Variants in NR4A3 observed in about 807,000 individuals in gnomAD.
NR4A3 encodes the protein chondrosarcoma, extraskeletal myxoid, fused to EWS.
NR4A3 carries 13 observed loss-of-function variants against 55.6 expected under a neutral mutation model. The observed-to-expected ratio is 0.23, with a 90% CI of 0.15 to 0.37. NR4A3 has a LOEUF of 0.37. Among genes scored for constraint, NR4A3 ranks in the 10% least tolerant of loss-of-function variants. NR4A3 has a pLI of 1.00. For synonymous variants in NR4A3, 342 were observed against 357.9 expected (o/e 0.96, Z 0.50); for missense variants, 646 against 822.8 (o/e 0.79, Z 2.63).
At chr9:99,857,824 G>A (rs549945819) in intron 7 of NR4A3, among the ~76,000 whole-genome samples, 7 of 152,110 alleles carry the variant, frequency 4.6e-5, no homozygotes, top group South Asian at 2.1e-4. Context: ...CTACAGCCAG[G>A]AAATCTAATT....
At chr9:99,849,296 C>G (rs1827808605) in intron 7 of NR4A3, among the ~76,000 whole-genome samples, 1 of 151,986 alleles carries the variant, frequency 6.6e-6, no homozygotes, top group Non-Finnish European at 1.5e-5. Flanking sequence ...AGTAGCTGTT[C>G]CTTCAGTATT....
rs1461215273 is a variant in NR4A3, at chr9:99,844,707, A to G, written c.1313A>G (p.Tyr438Cys). ...GATGCTGAGCATGTGCAACAATTCT[A>G]CAACCTCCTGACAGCCTCCATTGAT... ...GTDAEHVQQF[Y>C]NLLTASIDVS... is the part of the protein sequence containing the mutation. The change falls in exon 6 of 8, where the codon TAC (tyrosine) becomes TGC (cysteine). Residue 438 changes from tyrosine to cysteine, a missense_variant. This residue lies in a region of NR4A3 where 163 missense variants were observed against 233.0 expected (regional missense o/e 0.70). Coordinates refer to ENST00000395097, the MANE Select transcript of NR4A3 (RefSeq NM_006981.4). The G allele has an allele frequency of 6.2e-7, 1 of 1,614,208 alleles. No individual in the cohort carries two copies. Among genetic ancestry groups the G allele is most frequent in the Non-Finnish European group, 8.5e-7 (1 of 1,180,030 alleles).
At chr9:99,852,663 C>T (rs1289030497) in intron 7 of NR4A3, among the ~76,000 whole-genome samples, 1 of 152,206 alleles carries the variant, frequency 6.6e-6, no homozygotes, top group Non-Finnish European at 1.5e-5. Flanking sequence ...TTTCCCTACT[C>T]AGGTCATCTC....
intron 7 of NR4A3, among the ~76,000 whole-genome samples, chr9:99,851,495 T>C (rs1827848520): frequency 6.6e-6 from 1 of 152,206 alleles, no homozygotes. Flanking sequence ...CCAGGAAAAG[T>C]ATTAAGAATC....
intron 7 of NR4A3, among the ~76,000 whole-genome samples, chr9:99,853,227 C>CA (rs1483841742): frequency 6.6e-6 from 1 of 151,782 alleles, no homozygotes; most frequent in African/African-American, 2.4e-5. Flanking sequence ...ATTTGTTTTA[C>CA]ACACTTCCAT....
intron 7 of NR4A3, among the ~76,000 whole-genome samples, chr9:99,861,533 G>A (rs1220075371): frequency 6.6e-6 from 1 of 152,016 alleles, no homozygotes; most frequent in Non-Finnish European, 1.5e-5. Flanking sequence ...AGGAAGGGAG[G>A]GAGGGAAGGA....
intron 5 of NR4A3, among the ~76,000 whole-genome samples, chr9:99,836,081 A>T (rs553663248): frequency 7.2e-5 from 11 of 152,336 alleles, no homozygotes; most frequent in Middle Eastern, 3.4e-3. Flanking sequence ...AAATACAGTG[A>T]GTTTTCATCA....
chr9:99,839,165 G>A (rs1229071167), intron 5 of NR4A3, among the ~76,000 whole-genome samples: 2 of 152,304 alleles, frequency 1.3e-5, no homozygotes, highest in Admixed American at 6.5e-5. Flanking sequence ...GCTTTTTGGA[G>A]TGGGGGCATA....
At chr9:99,846,159 C>T (rs537447001) in intron 6 of NR4A3, among the ~76,000 whole-genome samples, 47 of 152,274 alleles carry the variant, frequency 3.1e-4, no homozygotes, top group African/African-American at 1.1e-3. Context: ...CTTGTGAATA[C>T]AACAGGCCAA....
At chr9:99,837,345 G>T (rs146959456) in intron 5 of NR4A3, among the ~76,000 whole-genome samples, 2 of 151,942 alleles carry the variant, frequency 1.3e-5, no homozygotes, top group African/African-American at 4.8e-5. Flanking sequence ...GAGTGACCTT[G>T]GGATCATCTA....
chr9:99,833,157 A>G, intron 4 of NR4A3, 125 bp from the exon 5 acceptor site: 1 of 1,251,516 alleles, frequency 8.0e-7, no homozygotes. Context: ...ACTTATTACC[A>G]CTTTTAAATG....
rs529386808 is a variant in NR4A3 at position 99,851,996 on chromosome 9, T to G, written c.1633+4381T>G. Among the ~76,000 whole-genome samples the G allele has an allele frequency of 5.9e-5, 9 of 152,282 alleles. No individual in the cohort carries two copies. The East Asian group carries it at 9.7e-4, about 16-fold the overall frequency. On this transcript the variant is annotated intron_variant, in intron 7 of 7. Transcript: ENST00000395097. ...CATTCTGTTGCCAAGAAGTGGGCAG[T>G]CTACTAGGAAGTCATAGATTATGAT...
At position 99,857,486 on chromosome 9, in the gene NR4A3, C is replaced by G. The variant is rs192502532; in HGVS notation, c.1634-6134C>G. Among the ~76,000 whole-genome samples, 9 of 152,166 alleles carry G rather than the reference C, an allele frequency of 5.9e-5. No individual in the cohort carries two copies. The East Asian group carries it at 1.4e-3, about 23-fold the overall frequency. On this transcript the variant is annotated intron_variant, in intron 7 of 7. Transcript: ENST00000395097. ...AATGTGGAAACAGACCCAAAGTCAC[C>G]CAGTTAATAAGTGGTCGAGGCCAGG... is the stretch of plus-strand genomic sequence containing the variant.
intron 7 of NR4A3, among the ~76,000 whole-genome samples, chr9:99,861,596 C>T (rs991998436): frequency 1.3e-5 from 2 of 152,118 alleles, no homozygotes; most frequent in East Asian, 1.9e-4. Flanking sequence ...GAAGTTCAAC[C>T]GTCTCCTTTT....
At chr9:99,832,111 T>C (rs956407117) in intron 3 of NR4A3, among the ~76,000 whole-genome samples, 1 of 152,184 alleles carries the variant, frequency 6.6e-6, no homozygotes, top group Non-Finnish European at 1.5e-5. Flanking sequence ...GTTTATCATA[T>C]ATGGTCTTTA....
Position 99,864,287 on chromosome 9 carries a change from TG to T in NR4A3, c.*421del, listed in dbSNP as rs1676324801. The T allele has an allele frequency of 4.2e-6, 1 of 240,694 alleles. No homozygotes were observed. Among genetic ancestry groups the T allele is most frequent in the African/African-American group, 2.2e-5 (1 of 45,304 alleles). 14.9% of individuals were successfully genotyped at this position (240,694 alleles called of 1,614,324 possible). On this transcript the variant is annotated 3_prime_UTR_variant, in exon 8 of 8. Coordinates refer to ENST00000395097, the MANE Select transcript of NR4A3 (RefSeq NM_006981.4). Reference sequence around the variant, plus strand: ...CCAAGGGTTGTTCGCCAGGGTAGGATGTGTCTTAAAGATTGGTCCCTTGAAA... The same window carrying T: ...CCAAGGGTTGTTCGCCAGGGTAGGATTGTCTTAAAGATTGGTCCCTTGAAA...
intron 5 of NR4A3, among the ~76,000 whole-genome samples, chr9:99,842,195 T>G (rs902784787): frequency 3.9e-5 from 6 of 151,978 alleles, no homozygotes; most frequent in African/African-American, 1.5e-4. Context: ...GCGTCTCATT[T>G]CCTCTCACCC....
chr9:99,833,165 A>G, intron 4 of NR4A3, 117 bp from the exon 5 acceptor site: 8 of 1,294,514 alleles, frequency 6.2e-6, no homozygotes, highest in South Asian at 4.8e-5. Context: ...CCACTTTTAA[A>G]TGGTTGGTCT....
chr9:99,866,575 A>G lies in NR4A3; in HGVS notation c.*2708A>G, dbSNP rs1006631821. 2 of 227,966 alleles carry G rather than the reference A, an allele frequency of 8.8e-6. No individual in the cohort carries two copies. The highest frequency in any genetic ancestry group is 4.4e-5 in the African/African-American group (2 of 45,024). 14.1% of individuals were successfully genotyped at this position (227,966 alleles called of 1,614,324 possible). A position where few individuals can be genotyped will look rare whatever the true frequency, so the allele number is the denominator to read the frequency against. ...ACTCAACTCCCTTTTTTTTGTCTTAATGTTGCACATAAGTTTATACAGAGT... is the reference window on the plus strand; with the variant it reads ...ACTCAACTCCCTTTTTTTTGTCTTAGTGTTGCACATAAGTTTATACAGAGT... On this transcript the variant is annotated 3_prime_UTR_variant, in exon 8 of 8. Coordinates refer to ENST00000395097, the MANE Select transcript of NR4A3 (RefSeq NM_006981.4).
Sources: allele counts gnomAD v4.1 joint callset (sites outside exome capture counted in the v4.1 genomes callset), GRCh38; gene constraint gnomAD v4.1.1; regional missense constraint gnomAD v4.1.1; transcripts MANE v1.5; gene names NCBI Gene and HGNC (gene_info 2026-07-23, HGNC 2026-07-21).